DOCK11: variants seen among roughly 807,000 people sequenced by gnomAD.
The protein encoded by DOCK11 is dedicator of cytokinesis 11.
In DOCK11, 70 loss-of-function variants were observed where a neutral mutation model predicts 169.1. The observed-to-expected ratio is 0.41, with a 90% CI of 0.34 to 0.51. The LOEUF (loss-of-function observed/expected upper bound fraction) is 0.51, where lower values mean the gene tolerates loss of function less well. DOCK11 is among the 20% of genes least tolerant of loss of function. The pLI, the probability that DOCK11 is intolerant of heterozygous loss-of-function variation, is 0.10. For missense variants in DOCK11, 1,166 were observed against 1,538.8 expected (o/e 0.76, Z 4.05); for synonymous variants, 529 against 541.3 (o/e 0.98, Z 0.32).
intron 44 of DOCK11, among the ~76,000 whole-genome samples, chrX:118,657,099 A>G (rs905448594): frequency 9.0e-6 from 1 of 111,629 alleles, no homozygotes; most frequent in Non-Finnish European, 1.9e-5. Context: ...ATCAAGAATT[A>G]TTTGTCTTTA....
chrX:118,652,638 G>C, intron 42 of DOCK11, among the ~76,000 whole-genome samples: 1 of 111,859 alleles, frequency 8.9e-6, no homozygotes, highest in East Asian at 2.8e-4. Context: ...TCTGACCACT[G>C]TTCCACTTTC....
intron 31 of DOCK11, among the ~76,000 whole-genome samples, chrX:118,622,608 C>T (rs2015002005): frequency 9.0e-6 from 1 of 111,511 alleles, no homozygotes; most frequent in African/African-American, 3.3e-5. Context: ...ATAATAGCAG[C>T]TAAAATTTAT....
rs1040166840 is a variant in DOCK11 at position 118,620,112 on chromosome X, G to A, written c.3471+1384G>A. Among the ~76,000 whole-genome samples, 6 of 110,824 alleles carry A rather than the reference G, an allele frequency of 5.4e-5. No individual in the cohort carries two copies. The Admixed American group carries it at 5.8e-4, about 11-fold the overall frequency. ...ATTACAGGCGTGAGCCACCATGCCC[G>A]GCCTATTTACTGTACTTTTAACATA... On this transcript the variant is annotated intron_variant, in intron 31 of 52. Transcript: ENST00000276202.
intron 46 of DOCK11, among the ~76,000 whole-genome samples, chrX:118,674,177 A>G (rs1002451953): frequency 2.7e-5 from 3 of 111,317 alleles, no homozygotes; most frequent in African/African-American, 9.8e-5. Context: ...TTGAGACAGA[A>G]TCTCACTCTG....
intron 1 of DOCK11, among the ~76,000 whole-genome samples, chrX:118,539,936 A>G (rs1423850709): frequency 9.4e-6 from 1 of 106,821 alleles, no homozygotes; most frequent in Non-Finnish European, 1.9e-5. Flanking sequence ...CTGTAATCCC[A>G]CCTACTCGGG....
intron 14 of DOCK11, among the ~76,000 whole-genome samples, chrX:118,581,153 AC>A (rs1368425076): frequency 8.9e-6 from 1 of 112,085 alleles, no homozygotes; most frequent in Non-Finnish European, 1.9e-5. Context: ...TGTGGAAAGG[AC>A]ACCATGTTCT....
intron 46 of DOCK11, among the ~76,000 whole-genome samples, chrX:118,671,609 T>G (rs1228679480): frequency 7.1e-5 from 8 of 112,330 alleles, no homozygotes; most frequent in Admixed American, 4.7e-4. Context: ...TTCATTTATG[T>G]TTTCCAAATG....
At chrX:118,601,136 A>G (rs2014324742) in intron 23 of DOCK11, among the ~76,000 whole-genome samples, 1 of 111,750 alleles carries the variant, frequency 8.9e-6, no homozygotes. Flanking sequence ...ATTAAGACGT[A>G]TAATAGGCCA....
At chrX:118,669,052 C>T (rs1024609370) in intron 45 of DOCK11, among the ~76,000 whole-genome samples, 7 of 111,766 alleles carry the variant, frequency 6.3e-5, no homozygotes, top group African/African-American at 2.3e-4. Flanking sequence ...GTGAGTGATG[C>T]GGAGCCATTG....
chrX:118,542,740 G>A lies in DOCK11; in HGVS notation c.118G>A (p.Val40Ile), dbSNP rs140943491. 31 of 1,206,189 alleles carry A rather than the reference G, an allele frequency of 2.6e-5. No individual in the cohort carries two copies. Among genetic ancestry groups the A allele is most frequent in the Middle Eastern group, 2.3e-4 (1 of 4,340 alleles). ...TCTTATAAAGGAAAAGGCCAAAGTT[G>A]TTGAGCCCCTGGACTATGAGAATGT... The part of the protein sequence containing the change: ...GSVVLEKAKV[V>I]EPLDYENVIA... The change falls in exon 2 of 53, where the codon GTT becomes ATT. Residue 40 changes from valine (V) to isoleucine (I), a missense_variant. Transcript: ENST00000276202.
chrX:118,530,146 ATC>A (rs1475931360), intron 1 of DOCK11, among the ~76,000 whole-genome samples: 1 of 112,847 alleles, frequency 8.9e-6, no homozygotes, highest in African/African-American at 3.2e-5. Context: ...ATTCTGGTTA[ATC>A]TCTGTCACAC....
chrX:118,544,535 C>T (rs1054375227), intron 4 of DOCK11, among the ~76,000 whole-genome samples: 2 of 107,563 alleles, frequency 1.9e-5, no homozygotes, highest in Non-Finnish European at 3.8e-5. Flanking sequence ...TCCTATATGA[C>T]AGCCTGGTCC....
chrX:118,599,471 G>T (rs1452062148), intron 23 of DOCK11, among the ~76,000 whole-genome samples: 1 of 111,826 alleles, frequency 8.9e-6, no homozygotes, highest in Non-Finnish European at 1.9e-5. Context: ...AAACTCTCAT[G>T]AAAATGTTTA....
chrX:118,512,193 G>A (rs1250591537), intron 1 of DOCK11, among the ~76,000 whole-genome samples: 1 of 112,323 alleles, frequency 8.9e-6, no homozygotes, highest in Non-Finnish European at 1.9e-5. Context: ...GAGCCACCAT[G>A]CCCTGCTCCG....
intron 14 of DOCK11, among the ~76,000 whole-genome samples, chrX:118,582,603 A>G (rs2013685120): frequency 1.8e-5 from 2 of 111,909 alleles, no homozygotes; most frequent in Admixed American, 1.9e-4. Context: ...GAAATAAAGG[A>G]GGTATGCTTA....
chrX:118,661,351 G>C (rs897551048), intron 44 of DOCK11, among the ~76,000 whole-genome samples: 8 of 111,648 alleles, frequency 7.2e-5, no homozygotes, highest in African/African-American at 2.6e-4. Flanking sequence ...GAAGATACAT[G>C]TCTAGTGATT....
At chrX:118,632,473 T>C (rs1279494209) in intron 35 of DOCK11, 9 of 112,430 alleles carry the variant, frequency 8.0e-5, no homozygotes, top group Admixed American at 7.5e-4. Context: ...AAAGTCATGC[T>C]GTATATCTGT....
At chrX:118,600,964 C>T (rs2014319275) in intron 23 of DOCK11, among the ~76,000 whole-genome samples, 1 of 110,639 alleles carries the variant, frequency 9.0e-6, no homozygotes, top group South Asian at 3.9e-4. Flanking sequence ...GAATTTACTC[C>T]GAGTGAGATA....
rs1219358910 is a variant in DOCK11 at position 118,685,827 on chromosome X, A to G, written c.*20A>G. 8.3e-7 allele frequency: 1 copy of G among 1,206,587 alleles called. No homozygotes were observed. The highest frequency in any genetic ancestry group is 1.1e-6 in the Non-Finnish European group (1 of 892,541). On this transcript the variant is annotated 3_prime_UTR_variant, in exon 53 of 53. Transcript: ENST00000276202. Reference sequence around the variant, plus strand: ...GTGTGAGGAAATGCAGATGTACGTGACAATGAGACTGACCTTTCTCAGGAA... The same window carrying G: ...GTGTGAGGAAATGCAGATGTACGTGGCAATGAGACTGACCTTTCTCAGGAA...
Sources: allele counts gnomAD v4.1 joint callset (sites outside exome capture counted in the v4.1 genomes callset), GRCh38; gene constraint gnomAD v4.1.1; transcripts MANE v1.5; gene names NCBI Gene and HGNC (gene_info 2026-07-23, HGNC 2026-07-21).